Variants in DDRGK1 observed in about 807,000 individuals in gnomAD.
DDRGK1 encodes DDRGK domain containing 1.
Under a neutral mutation model 45.8 loss-of-function variants are expected in DDRGK1, and 38 were observed. The observed-to-expected ratio is 0.83, with a 90% CI of 0.64 to 1.09. The LOEUF (loss-of-function observed/expected upper bound fraction) is 1.09, where lower values mean the gene tolerates loss of function less well. Ranked by LOEUF, DDRGK1 falls within the 50% of genes least tolerant of loss-of-function variation. The probability of loss-of-function intolerance (pLI) is 0.00; values close to 1 mark genes in which losing one functional copy is unlikely to be tolerated. For synonymous variants in DDRGK1, 171 were observed against 168.7 expected (o/e 1.01, Z -0.11); for missense variants, 403 against 419.9 (o/e 0.96, Z 0.35).
chr20:3,190,967 G>T, intron 8 of DDRGK1, 148 bp from the exon 9 acceptor site: 1 of 1,332,582 alleles, frequency 7.5e-7, no homozygotes. Flanking sequence ...AGTCCTGCTA[G>T]GAGAGTCGAA....
intron 4 of DDRGK1, among the ~76,000 whole-genome samples, chr20:3,196,983 G>A (rs896688418): frequency 6.6e-6 from 1 of 152,124 alleles, no homozygotes; most frequent in African/African-American, 2.4e-5. Flanking sequence ...ACCACTTTGG[G>A]AGGCTGAGGC....
In DDRGK1 at chr20:3,191,254, C is replaced by T. The variant is rs370418437; in HGVS notation, c.730-16G>A. 1 of 1,613,962 alleles carries T rather than the reference C, an allele frequency of 6.2e-7. No individual in the cohort carries two copies. The highest frequency in any genetic ancestry group is 1.3e-5 in the African/African-American group (1 of 74,928). On this transcript the variant is annotated splice_polypyrimidine_tract_variant and intron_variant, in intron 7 of 8. Transcript: ENST00000354488. The stretch of plus-strand genomic sequence containing the variant: ...TTATGGTGTCCTATGAGGAGAACAA[C>T]TCTCAGAATAGAGATAGGCACCAAT...
At chr20:3,198,146 G>A (rs1450220053) in intron 4 of DDRGK1, among the ~76,000 whole-genome samples, 2 of 144,958 alleles carry the variant, frequency 1.4e-5, no homozygotes, top group Admixed American at 1.4e-4. Context: ...AGTGGCTCAT[G>A]CCTGTAATCC....
intron 2 of DDRGK1, among the ~76,000 whole-genome samples, chr20:3,201,351 A>C (rs1277840000): frequency 6.7e-6 from 1 of 150,302 alleles, no homozygotes; most frequent in East Asian, 2.0e-4. Flanking sequence ...CCCAGCTACT[A>C]GGGACGCTGA....
At chr20:3,198,384 CAG>C (rs2067020906) in intron 4 of DDRGK1, among the ~76,000 whole-genome samples, 2 of 115,444 alleles carry the variant, frequency 1.7e-5, no homozygotes, top group South Asian at 5.7e-4. Flanking sequence ...AGCCTGGAGA[CAG>C]AGAGGGACTC....
rs2067056151 is a variant in DDRGK1, at chr20:3,204,392, AC to A, written c.91+144del. 6 of 793,076 alleles carry A rather than the reference AC, an allele frequency of 7.6e-6. No homozygotes were observed. The Middle Eastern group carries it at 1.2e-3, about 155-fold the overall frequency. The allele number at this position is 793,076 out of a possible 1,614,324, so 49.1% of individuals were successfully genotyped here. On this transcript the variant is annotated intron_variant, in intron 1 of 8. Transcript: ENST00000354488. ...CCAGGTAGGGCACTGCGGAAGCCCC[AC>A]CCGGCACACGACTAGCGCACGGACG...
In DDRGK1 at chr20:3,200,323, C is replaced by T. The variant is rs1420698846; in HGVS notation, c.408+19G>A. Reference sequence around the variant, plus strand: ...CCCTTTCGCACTTCCCAGAGCTGCACCCCATCCCTCCGGCTTGCCTCACGC... The same window carrying T: ...CCCTTTCGCACTTCCCAGAGCTGCATCCCATCCCTCCGGCTTGCCTCACGC... On this transcript the variant is annotated intron_variant, in intron 3 of 8. Transcript: ENST00000354488. The T allele has an allele frequency of 3.9e-6, 6 of 1,554,216 alleles. No homozygotes were observed. Among genetic ancestry groups the T allele is most frequent in the Non-Finnish European group, 5.2e-6 (6 of 1,148,126 alleles).
At position 3,203,371 on chromosome 20, in the gene DDRGK1, C is replaced by T. The variant is rs758827629; in HGVS notation, c.137G>A (p.Arg46Gln). Reference sequence around the variant, plus strand: ...CTCCAGGGGCCCAGGCTGGGCCACCCGGCCTGCTCCTGCCAGCTCCTCATT... The same window carrying T: ...CTCCAGGGGCCCAGGCTGGGCCACCTGGCCTGCTCCTGCCAGCTCCTCATT... ...LHNEELAGAG[R>Q]VAQPGPLEPE... is the part of the protein sequence containing the mutation. The change falls in exon 2 of 9, where the codon CGG (arginine) becomes CAG (glutamine). Residue 46 changes from arginine to glutamine, a missense_variant. Coordinates refer to ENST00000354488, the MANE Select transcript of DDRGK1 (RefSeq NM_023935.3). 3.5e-5 allele frequency: 56 copies of T among 1,605,582 alleles called. No homozygotes were observed. Among genetic ancestry groups the T allele is most frequent in the Non-Finnish European group, 4.4e-5 (52 of 1,175,988 alleles).
At chr20:3,203,054 A>C (rs2067047524) in intron 2 of DDRGK1, among the ~76,000 whole-genome samples, 159 bp downstream of exon 2, 2 of 151,974 alleles carry the variant, frequency 1.3e-5, no homozygotes, top group African/African-American at 4.8e-5. Context: ...CCAGTGGAAC[A>C]AATGCCAGGT....
chr20:3,192,561 A>G (rs548030238), intron 6 of DDRGK1, among the ~76,000 whole-genome samples: 2 of 152,320 alleles, frequency 1.3e-5, no homozygotes, highest in Admixed American at 6.5e-5. Flanking sequence ...TGAGGCACTG[A>G]GCCCACCCTT....
intron 1 of DDRGK1, among the ~76,000 whole-genome samples, 192 bp downstream of exon 1, chr20:3,204,345 G>A (rs2067055779): frequency 6.6e-6 from 1 of 152,112 alleles, no homozygotes; most frequent in Non-Finnish European, 1.5e-5. Context: ...GAGAGAAAGG[G>A]GTAGCGGCGC....
rs777838925 is a variant in DDRGK1 at position 3,190,767 on chromosome 20, G to A, written c.831C>T (p.Ala277=). 6.8e-6 allele frequency: 11 copies of A among 1,613,858 alleles called. No homozygotes were observed. The highest frequency in any genetic ancestry group is 4.4e-5 in the South Asian group (4 of 91,062). The change falls in exon 9 of 9, where the codon GCC becomes GCT. Residue 277 remains alanine, a synonymous_variant. Coordinates refer to ENST00000354488, the MANE Select transcript of DDRGK1 (RefSeq NM_023935.3). ...KFIYITPEEL[A]AVANFIRQRG... ...GCTGTCGGATGAAGTTGGCCACGGC[G>A]GCCAGTTCCTCTGGGGTTATGTAGA...
At chr20:3,198,402 C>CAAAA (rs34379071) in intron 4 of DDRGK1, among the ~76,000 whole-genome samples, 1 of 75,288 alleles carries the variant, frequency 1.3e-5, no homozygotes, top group African/African-American at 5.2e-5. Flanking sequence ...GACTCTGTCT[C>CAAAA]AAAAAAAAAA....
At chr20:3,204,433 C>A in intron 1 of DDRGK1, 104 bp downstream of exon 1, 1 of 1,224,392 alleles carries the variant, frequency 8.2e-7, no homozygotes, top group Non-Finnish European at 1.1e-6. Context: ...TGCGTCCCGC[C>A]CGCCCAGGTG....
At position 3,201,309 on chromosome 20, in the gene DDRGK1, AT is replaced by A. The variant is rs538253010; in HGVS notation, c.296-856del. On this transcript the variant is annotated intron_variant, in intron 2 of 8. Transcript: ENST00000354488. ...TCTCAAAAAAAAAAAAAAAAAAAAA[AT>A]TAGCCAGGTGTGGTGGTGGCCACCC... 8.8e-3 allele frequency among the ~76,000 whole-genome samples: 1,223 copies of A among 139,206 alleles called. 13 individuals carry two copies. The highest frequency in any genetic ancestry group is 0.03 in the African/African-American group (1,027 of 34,708). The allele number at this position is 139,206 out of a possible 152,430, so 91.3% of individuals were successfully genotyped here.
chr20:3,191,498 T>A (rs961196434), intron 7 of DDRGK1: 2 of 681,796 alleles, frequency 2.9e-6, no homozygotes, highest in Non-Finnish European at 5.3e-6. Context: ...AGTCTGTGCA[T>A]GAGAGTTGTC....
intron 4 of DDRGK1, among the ~76,000 whole-genome samples, chr20:3,197,224 G>GAAAAAA (rs34672443): frequency 2.7e-5 from 2 of 74,564 alleles, no homozygotes; most frequent in Non-Finnish European, 5.1e-5. Context: ...CTCCATCTCA[G>GAAAAAA]AAAAAAAAAA....
chr20:3,192,315 T>C (rs146338345), intron 6 of DDRGK1, among the ~76,000 whole-genome samples: 10 of 152,226 alleles, frequency 6.6e-5, no homozygotes, highest in African/African-American at 1.9e-4. Flanking sequence ...CCTGAGAAGG[T>C]AGGAGGGACA....
chr20:3,204,467 G>A, intron 1 of DDRGK1, 70 bp downstream of exon 1: 3 of 1,461,818 alleles, frequency 2.1e-6, no homozygotes, highest in Non-Finnish European at 2.8e-6. Flanking sequence ...GCCGCGGCGC[G>A]ACGGTCCACA....
Sources: allele counts gnomAD v4.1 joint callset (sites outside exome capture counted in the v4.1 genomes callset), GRCh38; gene constraint gnomAD v4.1.1; transcripts MANE v1.5; gene names NCBI Gene and HGNC (gene_info 2026-07-23, HGNC 2026-07-21).